PTPRJ: variants seen among roughly 807,000 people sequenced by gnomAD.
PTPRJ encodes the protein receptor-type tyrosine-protein phosphatase eta.
PTPRJ carries 129 observed loss-of-function variants against 141.3 expected under a neutral mutation model. The observed-to-expected ratio is 0.91, with a 90% CI of 0.79 to 1.06. PTPRJ has a LOEUF of 1.06. Among genes scored for constraint, PTPRJ ranks in the 50% least tolerant of loss-of-function variants. The pLI is 0.00. For missense variants in PTPRJ, 1,601 were observed against 1,679.7 expected, an observed-to-expected ratio of 0.95 and a Z score of 0.82; for synonymous variants, 610 against 640.5, an observed-to-expected ratio of 0.95 and a Z score of 0.72.
chr11:48,112,688 G>C lies in PTPRJ; in HGVS notation c.116-59G>C, dbSNP rs142242039. On this transcript the variant is annotated intron_variant, in intron 2 of 24. Coordinates refer to ENST00000418331, the MANE Select transcript of PTPRJ (RefSeq NM_002843.4). ...CAGTGTAAATATTTTGTGAGGTGGG[G>C]CATCCCTGTCTCCTGGAGAAATATA... 21 of 1,232,028 alleles carry C rather than the reference G, an allele frequency of 1.7e-5. 2 individuals are homozygous for C. In the African/African-American group the frequency reaches 3.0e-4, roughly 18 times the overall value. The allele number at this position is 1,232,028 out of a possible 1,614,324, so 76.3% of individuals were successfully genotyped here.
intron 10 of PTPRJ, among the ~76,000 whole-genome samples, chr11:48,139,217 G>C (rs1857175094): frequency 6.6e-6 from 1 of 152,210 alleles, no homozygotes; most frequent in South Asian, 2.1e-4. Context: ...GACTCTCATG[G>C]AGCCCTGGTC....
chr11:48,050,468 G>A (rs192686221), intron 1 of PTPRJ, among the ~76,000 whole-genome samples: 1 of 152,128 alleles, frequency 6.6e-6, no homozygotes, highest in Non-Finnish European at 1.5e-5. Context: ...CATTCTGTGG[G>A]TTTGGACAAG....
At chr11:48,075,856 C>G (rs577306651) in intron 1 of PTPRJ, among the ~76,000 whole-genome samples, 1 of 152,304 alleles carries the variant, frequency 6.6e-6, no homozygotes, top group Non-Finnish European at 1.5e-5. Flanking sequence ...AGCCTCATTC[C>G]CTGAGATGTA....
intron 8 of PTPRJ, among the ~76,000 whole-genome samples, chr11:48,135,644 A>G (rs1295108004): frequency 6.6e-6 from 1 of 151,920 alleles, no homozygotes; most frequent in Non-Finnish European, 1.5e-5. Flanking sequence ...ACCACACCCA[A>G]CTAATTTTTG....
rs1168354231 is a variant in PTPRJ, at chr11:48,136,901, T to C, written c.1874-102T>C. Reference sequence around the variant, plus strand: ...AGCCAGCAAATACTAGTTTTATTCATTCTTTCTAAAACGAGCCAGGCTATT... The same window carrying C: ...AGCCAGCAAATACTAGTTTTATTCACTCTTTCTAAAACGAGCCAGGCTATT... On this transcript the variant is annotated intron_variant, in intron 9 of 24. Coordinates refer to ENST00000418331, the MANE Select transcript of PTPRJ (RefSeq NM_002843.4). 5 of 1,219,542 alleles carry C rather than the reference T, an allele frequency of 4.1e-6. No homozygotes were observed. In the East Asian group the frequency reaches 1.2e-4, roughly 29 times the overall value. The allele number at this position is 1,219,542 out of a possible 1,614,324, so 75.5% of individuals were successfully genotyped here.
intron 23 of PTPRJ, among the ~76,000 whole-genome samples, chr11:48,163,915 A>G (rs1304359719): frequency 6.6e-6 from 1 of 152,226 alleles, no homozygotes; most frequent in Non-Finnish European, 1.5e-5. Context: ...CTACAGTGAC[A>G]GAAAGAGACC....
At chr11:48,000,458 G>A (rs575567936) in intron 1 of PTPRJ, among the ~76,000 whole-genome samples, 18 of 151,978 alleles carry the variant, frequency 1.2e-4, no homozygotes, top group African/African-American at 2.2e-4. Context: ...CTTCTTTCCC[G>A]TAAATTGAGG....
At position 48,060,463 on chromosome 11, in the gene PTPRJ, A is replaced by G. The variant is rs530423586; in HGVS notation, c.97-49595A>G. Among the ~76,000 whole-genome samples the G allele has an allele frequency of 5.3e-5, 8 of 152,256 alleles. No individual in the cohort carries two copies. In the South Asian group the frequency reaches 1.5e-3, roughly 28 times the overall value. On this transcript the variant is annotated intron_variant, in intron 1 of 24. Coordinates refer to ENST00000418331, the MANE Select transcript of PTPRJ (RefSeq NM_002843.4). ...AAACTCATGTTGCCACACAAACAAC[A>G]AAATAAACCAGTGTGTTCCAAAAAC...
chr11:48,163,521 G>A lies in PTPRJ; in HGVS notation c.3622G>A (p.Val1208Ile). 6.2e-7 allele frequency: 1 copy of A among 1,613,944 alleles called. No individual in the cohort carries two copies. The highest frequency in any genetic ancestry group is 8.5e-7 in the Non-Finnish European group (1 of 1,179,816). ...TTTCACCTCCTGGCCAGACCACGGT[G>A]TTCCCGACACCACTGACCTGCTCAT... Reference protein sequence around the residue: ...FHFTSWPDHGVPDTTDLLINF... With the variant: ...FHFTSWPDHGIPDTTDLLINF... The change falls in exon 23 of 25, where the codon GTT becomes ATT. Residue 1208 changes from valine to isoleucine, a missense_variant. Val to Ile is a conservative substitution (Grantham distance 29, BLOSUM62 3). Transcript: ENST00000418331.
At chr11:48,078,625 G>A (rs976452195) in intron 1 of PTPRJ, among the ~76,000 whole-genome samples, 2 of 152,134 alleles carry the variant, frequency 1.3e-5, no homozygotes, top group African/African-American at 2.4e-5. Context: ...TAGGAGGGAG[G>A]TGGCAGGGGT....
intron 1 of PTPRJ, among the ~76,000 whole-genome samples, chr11:48,068,793 C>T (rs1354962565): frequency 6.6e-6 from 1 of 152,256 alleles, no homozygotes; most frequent in East Asian, 1.9e-4. Flanking sequence ...GGGCTGGGTC[C>T]CTCTCCTCCC....
chr11:48,081,338 C>G (rs983679838), intron 1 of PTPRJ, among the ~76,000 whole-genome samples: 2 of 152,214 alleles, frequency 1.3e-5, no homozygotes, highest in East Asian at 3.8e-4. Flanking sequence ...CAGTCTGAGT[C>G]AGTGGAATGT....
At chr11:48,051,084 CTTTTTTTTTTTTTTTTTTTT>C (rs59987198) in intron 1 of PTPRJ, among the ~76,000 whole-genome samples, 2 of 79,310 alleles carry the variant, frequency 2.5e-5, no homozygotes, top group Non-Finnish European at 4.6e-5. Flanking sequence ...TAACTGATGA[CTTTTTTTTTTTTTTTTTTTT>C]TTTTTTTTTG....
intron 2 of PTPRJ, among the ~76,000 whole-genome samples, chr11:48,110,977 AT>A (rs1358051249): frequency 6.6e-6 from 1 of 152,208 alleles, no homozygotes; most frequent in Non-Finnish European, 1.5e-5. Context: ...GTCATAAAAC[AT>A]TTCTATAAGA....
At chr11:48,149,317 C>T (rs1287045149) in intron 15 of PTPRJ, 130 bp from the exon 16 acceptor site, 6 of 681,972 alleles carry the variant, frequency 8.8e-6, no homozygotes, top group African/African-American at 3.8e-5. Context: ...TTGGTGTCAG[C>T]TGTGAACTAA....
chr11:48,049,223 C>T (rs1854488235), intron 1 of PTPRJ, among the ~76,000 whole-genome samples: 1 of 152,100 alleles, frequency 6.6e-6, no homozygotes, highest in African/African-American at 2.4e-5. Context: ...GCACCCCCCT[C>T]CCAACTCTGC....
At chr11:48,088,292 CAG>C (rs1555043934) in intron 1 of PTPRJ, among the ~76,000 whole-genome samples, 1 of 152,162 alleles carries the variant, frequency 6.6e-6, no homozygotes, top group Non-Finnish European at 1.5e-5. Flanking sequence ...AGAGATATCA[CAG>C]AGTAGCAAGC....
intron 1 of PTPRJ, among the ~76,000 whole-genome samples, chr11:48,107,026 C>T (rs2134320573): frequency 6.6e-6 from 1 of 152,144 alleles, no homozygotes; most frequent in South Asian, 2.1e-4. Flanking sequence ...GCCTTGGCCT[C>T]ACAAAGTGCT....
At chr11:48,147,813 C>G (rs1430600655) in intron 15 of PTPRJ, among the ~76,000 whole-genome samples, 4 of 152,058 alleles carry the variant, frequency 2.6e-5, no homozygotes, top group Non-Finnish European at 5.9e-5. Context: ...GTTGGAGTGA[C>G]AGGCAGAGCT....
Sources: allele counts gnomAD v4.1 joint callset (sites outside exome capture counted in the v4.1 genomes callset), GRCh38; gene constraint gnomAD v4.1.1; transcripts MANE v1.5; gene names NCBI Gene and HGNC (gene_info 2026-07-23, HGNC 2026-07-21).